Variants in DUSP8 observed in about 807,000 individuals in gnomAD.
DUSP8 encodes dual specificity phosphatase 8, also known as dual specificity protein phosphatase 8.
DUSP8 carries 15 observed loss-of-function variants against 38.7 expected under a neutral mutation model. That is an observed-to-expected ratio of 0.39 (90% CI 0.26 to 0.60). The LOEUF (loss-of-function observed/expected upper bound fraction) is 0.60. Ranked by LOEUF, DUSP8 falls within the 20% of genes least tolerant of loss-of-function variation. The probability of loss-of-function intolerance (pLI) is 0.56; values close to 1 mark genes in which losing one functional copy is unlikely to be tolerated. For synonymous variants in DUSP8, 458 were observed against 433.9 expected (o/e 1.06, Z -0.69); for missense variants, 768 against 915.0 (o/e 0.84, Z 2.07).
At chr11:1,572,825 C>G (rs1848931168), upstream of DUSP8, 1 of 152,296 alleles carries the variant, frequency 6.6e-6, no homozygotes, top group Non-Finnish European at 1.5e-5. The surrounding 1 kb of genome is among the most constrained non-coding windows in gnomAD (Gnocchi z 4.7). Context: ...CCCCTGCACT[C>G]GGGCGGACCT....
At chr11:1,569,272 G>A (rs1848851927) in intron 1 of DUSP8, among the ~76,000 whole-genome samples, 1 of 152,068 alleles carries the variant, frequency 6.6e-6, no homozygotes, top group South Asian at 2.1e-4. Flanking sequence ...AAAGTCAGAA[G>A]AAGGCTCCTC....
At chr11:1,563,493 G>A (rs575401272) in intron 3 of DUSP8, among the ~76,000 whole-genome samples, 2 of 152,208 alleles carry the variant, frequency 1.3e-5, no homozygotes, top group South Asian at 2.1e-4. Flanking sequence ...CTGGGCTTTC[G>A]GAGGTGGGGG....
rs561925938 is a variant in DUSP8 at position 1,558,480 on chromosome 11, C to T, written c.538-209G>A. 6.6e-5 allele frequency among the ~76,000 whole-genome samples: 10 copies of T among 150,798 alleles called. No individual in the cohort carries two copies. The highest frequency in any genetic ancestry group is 2.1e-4 in the East Asian group (1 of 4,874). On this transcript the variant is annotated intron_variant, in intron 4 of 6. Transcript: ENST00000397374. This position sits in a 1 kb window ranked among gnomAD's most constrained non-coding sequence, Gnocchi z 6.3. ...CTGGGCCCGTGCGGGGGGTGGGGCA[C>T]GGCTGGCCTCCGACTGCAGGCCCCA...
At position 1,557,005 on chromosome 11, in the gene DUSP8, G is replaced by A. The variant is rs1032107595; in HGVS notation, c.1391C>T (p.Pro464Leu). 1.1e-4 allele frequency: 112 copies of A among 1,021,718 alleles called. No individual in the cohort carries two copies. Among genetic ancestry groups the A allele is most frequent in the Non-Finnish European group, 1.3e-4 (109 of 856,308 alleles). The allele number at this position is 1,021,718 out of a possible 1,614,324, so 63.3% of individuals were successfully genotyped here. A position where few individuals can be genotyped will look rare whatever the true frequency, so the allele number is the denominator to read the frequency against. ...GAGGCTGTGCGCGGGGGAGCGCGCG[G>A]GGGAGCCGGCGGGGGGCCGGGGCCG... Reference protein sequence around the residue: ...RRRPRPPAGSPARSPAHSLGL... With the variant: ...RRRPRPPAGSLARSPAHSLGL... The change falls in exon 7 of 7, where the codon CCC becomes CTC. Residue 464 changes from proline (P) to leucine (L), a missense_variant. This residue lies in a region of DUSP8 where 474 missense variants were observed against 430.8 expected (regional missense o/e 1.10). Transcript: ENST00000397374. The surrounding 1 kb of genome is among the most constrained non-coding windows in gnomAD (Gnocchi z 9.9).
intron 1 of DUSP8, among the ~76,000 whole-genome samples, chr11:1,568,999 A>G (rs1233250535): frequency 6.6e-6 from 1 of 152,180 alleles, no homozygotes; most frequent in Non-Finnish European, 1.5e-5. Flanking sequence ...GAGCAGAGAC[A>G]CTAAGGACAG....
At chr11:1,569,085 T>A (rs377398718) in intron 1 of DUSP8, among the ~76,000 whole-genome samples, 9 of 152,262 alleles carry the variant, frequency 5.9e-5, no homozygotes, top group African/African-American at 2.2e-4. Context: ...GTTGGTTCCA[T>A]GCCTCTCCTT....
intron 2 of DUSP8, among the ~76,000 whole-genome samples, 197 bp from the exon 3 acceptor site, chr11:1,564,186 C>G (rs900945069): frequency 1.3e-5 from 2 of 152,228 alleles, no homozygotes; most frequent in Non-Finnish European, 2.9e-5. Context: ...GATGCACACA[C>G]CCACACCACA....
chr11:1,557,925 G>T lies in DUSP8; in HGVS notation c.698-8C>A. The T allele has an allele frequency of 6.2e-7, 1 of 1,613,852 alleles. No individual in the cohort carries two copies. On this transcript the variant is annotated splice_region_variant and splice_polypyrimidine_tract_variant and intron_variant, in intron 5 of 6. Coordinates refer to ENST00000397374, the MANE Select transcript of DUSP8 (RefSeq NM_004420.3). This position sits in a 1 kb window ranked among gnomAD's most constrained non-coding sequence, Gnocchi z 9.9. Reference sequence around the variant, plus strand: ...TGGAGAGCTTGGCTTTATCTGGGCAGGTGGGCCATGGGGGCCAGGTGAGGG... The same window carrying T: ...TGGAGAGCTTGGCTTTATCTGGGCATGTGGGCCATGGGGGCCAGGTGAGGG...
chr11:1,568,304 C>T (rs1848836009), intron 1 of DUSP8, among the ~76,000 whole-genome samples: 1 of 151,698 alleles, frequency 6.6e-6, no homozygotes, highest in Non-Finnish European at 1.5e-5. Flanking sequence ...CTCGGTGCAG[C>T]CAGCCAGATC....
At chr11:1,560,741 G>GC (rs1378216384) in intron 3 of DUSP8, among the ~76,000 whole-genome samples, 1 of 152,222 alleles carries the variant, frequency 6.6e-6, no homozygotes, top group African/African-American at 2.4e-5. Context: ...CTGCAGGACA[G>GC]CCCCGGGGAG....
intron 3 of DUSP8, among the ~76,000 whole-genome samples, chr11:1,560,710 G>A (rs1848705590): frequency 1.3e-5 from 2 of 152,210 alleles, no homozygotes; most frequent in Non-Finnish European, 2.9e-5. Flanking sequence ...TTCTGAGCTG[G>A]GGTAGCCCTG....
In DUSP8 at chr11:1,557,302, G is replaced by C; in HGVS notation, c.1094C>G (p.Pro365Arg). Residue 365 changes from proline (P) to arginine (R), a missense_variant, in exon 7 of 7, where the codon CCG becomes CGG. Pro to Arg is a moderately radical substitution (Grantham distance 103). Around this residue, in one of 3 missense-constraint regions of DUSP8, gnomAD observed 474 missense variants for 430.8 expected, o/e 1.10. Transcript: ENST00000397374. The surrounding 1 kb of genome is among the most constrained non-coding windows in gnomAD (Gnocchi z 9.9). Reference sequence around the variant, plus strand: ...GCCCTGCTGCAGTGCGCTGGTCGCCGGGGGCGTGGGGGGCGCGGGGGGCTC... The same window carrying C: ...GCCCTGCTGCAGTGCGCTGGTCGCCCGGGGCGTGGGGGGCGCGGGGGGCTC... ...GGEPPAPPTP[P>R]ATSALQQGLR... The C allele has an allele frequency of 1.4e-6, 2 of 1,466,708 alleles. No individual in the cohort carries two copies. Among genetic ancestry groups the C allele is most frequent in the Non-Finnish European group, 1.8e-6 (2 of 1,119,570 alleles). The allele number at this position is 1,466,708 out of a possible 1,614,324, so 90.9% of individuals were successfully genotyped here.
chr11:1,569,314 C>T (rs942454546), intron 1 of DUSP8, among the ~76,000 whole-genome samples: 16 of 152,102 alleles, frequency 1.1e-4, no homozygotes, highest in South Asian at 2.1e-4. Flanking sequence ...GGCACCAGGC[C>T]GCCACCCTCC....
chr11:1,557,826 C>T lies in DUSP8; in HGVS notation c.789G>A (p.Lys263=), dbSNP rs768686376. The T allele has an allele frequency of 6.2e-7, 1 of 1,613,792 alleles. No homozygotes were observed. Among genetic ancestry groups the T allele is most frequent in the Non-Finnish European group, 8.5e-7 (1 of 1,180,018 alleles). ...CGTCGTCGGAGGACATGCCCATGGT[C>T]TTCATGATGTAGGCGATGGCGATGG... ...SATIAIAYIM[K]TMGMSSDDAY... Residue 263 remains lysine, a synonymous_variant, in exon 6 of 7, where the codon AAG becomes AAA. Transcript: ENST00000397374. This position sits in a 1 kb window ranked among gnomAD's most constrained non-coding sequence, Gnocchi z 9.9.
At chr11:1,565,503 G>T (rs1848787234) in intron 2 of DUSP8, 93 bp downstream of exon 2, 1 of 1,026,116 alleles carries the variant, frequency 9.7e-7, no homozygotes, top group Admixed American at 2.1e-5. Context: ...GTTTGGACTG[G>T]AAGGCAGAGG....
chr11:1,572,262 G>T lies in DUSP8; in HGVS notation c.-470C>A, dbSNP rs970878290. The stretch of plus-strand genomic sequence containing the variant: ...GGGAGCCGGCTCGGCCGCCGCGCTC[G>T]GCCGCGAGTGACAGGCCCGGGGCGG... On this transcript the variant is annotated 5_prime_UTR_variant, in exon 1 of 7. Transcript: ENST00000397374. The surrounding 1 kb of genome is among the most constrained non-coding windows in gnomAD (Gnocchi z 4.7). Among the ~76,000 whole-genome samples, 1 of 148,328 alleles carries T rather than the reference G, an allele frequency of 6.7e-6. No homozygotes were observed. Among genetic ancestry groups the T allele is most frequent in the African/African-American group, 2.4e-5 (1 of 40,840 alleles).
Position 1,556,887 on chromosome 11 carries a change from G to A in DUSP8, c.1509C>T (p.Ala503=), listed in dbSNP as rs1848634930. The change falls in exon 7 of 7, where the codon GCC becomes GCT. Residue 503 remains alanine, a synonymous_variant. Transcript: ENST00000397374. The surrounding 1 kb of genome is among the most constrained non-coding windows in gnomAD (Gnocchi z 5.2). ...GCGGCGGTGCCCAGGCCCCGGGGCC[G>A]GCCGGCTGGCCAGGGCCGGGCAGCC... ...APGLPGPGQP[A]GPGAWAPPLD... 9.1e-7 allele frequency: 1 copy of A among 1,099,050 alleles called. No individual in the cohort carries two copies. The highest frequency in any genetic ancestry group is 5.2e-5 in the Admixed American group (1 of 19,198). 68.1% of individuals were successfully genotyped at this position (1,099,050 alleles called of 1,614,324 possible).
chr11:1,567,641 G>A (rs11033805), intron 1 of DUSP8, among the ~76,000 whole-genome samples: 82,270 of 152,164 alleles, frequency 0.54, 22,650 homozygotes, highest in African/African-American at 0.56. Context: ...TGTTGCCAGA[G>A]GCCAGGGAAA....
intron 3 of DUSP8, among the ~76,000 whole-genome samples, chr11:1,560,073 C>G (rs1848694182): frequency 6.6e-6 from 1 of 152,214 alleles, no homozygotes; most frequent in Non-Finnish European, 1.5e-5. Context: ...GGGCAGCACC[C>G]ACCTGGTGGC....
Sources: allele counts gnomAD v4.1 joint callset (sites outside exome capture counted in the v4.1 genomes callset), GRCh38; gene constraint gnomAD v4.1.1; regional missense constraint gnomAD v4.1.1; non-coding constraint Gnocchi (gnomAD v3.1); transcripts MANE v1.5; gene names NCBI Gene and HGNC (gene_info 2026-07-23, HGNC 2026-07-21).